Variants in GLP1R observed in about 807,000 individuals in gnomAD.
The protein encoded by GLP1R is glucagon like peptide 1 receptor, also known as glucagon-like peptide 1 receptor.
In GLP1R, 32 loss-of-function variants were observed where a neutral mutation model predicts 68.4. The ratio of observed to expected loss-of-function variants is 0.47; its 90% CI spans 0.35 to 0.63. The LOEUF is 0.63. Among genes scored for constraint, GLP1R ranks in the 20% least tolerant of loss-of-function variants. The pLI, the probability that GLP1R is intolerant of heterozygous loss-of-function variation, is 0.00. For synonymous variants in GLP1R, 263 were observed against 244.4 expected, an observed-to-expected ratio of 1.08 and a Z score of -0.71; for missense variants, 502 against 594.9, an observed-to-expected ratio of 0.84 and a Z score of 1.62.
chr6:39,073,557 GA>G, intron 6 of GLP1R, 52 bp from the exon 7 acceptor site: 1 of 1,525,392 alleles, frequency 6.6e-7, no homozygotes, highest in Non-Finnish European at 9.0e-7. Context: ...GTGGTATCAA[GA>G]GAGGCAGAGG....
Position 39,079,806 on chromosome 6 carries a change from T to C in GLP1R, c.1182+104T>C. Reference sequence around the variant, plus strand: ...TGGAAAAGGTGGGAAGACTGGGACCTGGAGGGGTGATCCCTGCCCAAAGTC... The same window carrying C: ...TGGAAAAGGTGGGAAGACTGGGACCCGGAGGGGTGATCCCTGCCCAAAGTC... On this transcript the variant is annotated intron_variant, in intron 11 of 12. Transcript: ENST00000373256. The surrounding 1 kb of genome is among the most constrained non-coding windows in gnomAD (Gnocchi z 4.5). The C allele has an allele frequency of 9.3e-7, 1 of 1,076,420 alleles. No individual in the cohort carries two copies. Among genetic ancestry groups the C allele is most frequent in the Non-Finnish European group, 1.4e-6 (1 of 726,564 alleles). 66.7% of individuals were successfully genotyped at this position (1,076,420 alleles called of 1,614,324 possible).
In GLP1R at chr6:39,073,681, G is replaced by T; in HGVS notation, c.735G>T (p.Leu245Phe). 6.2e-7 allele frequency: 1 copy of T among 1,613,770 alleles called. No homozygotes were observed. Among genetic ancestry groups the T allele is most frequent in the Non-Finnish European group, 8.5e-7 (1 of 1,179,720 alleles). ...YCVAANYYWL[L>F]VEGVYLYTLL... Reference sequence around the variant, plus strand: ...TGGCGGCCAATTACTACTGGCTCTTGGTGGAGGGCGTGTACCTGTACACAC... The same window carrying T: ...TGGCGGCCAATTACTACTGGCTCTTTGTGGAGGGCGTGTACCTGTACACAC... Residue 245 changes from leucine to phenylalanine, a missense_variant, in exon 7 of 13, where the codon TTG becomes TTT. By Grantham distance (22) the Leu-to-Phe change is conservative (BLOSUM62 0). Coordinates refer to ENST00000373256, the MANE Select transcript of GLP1R (RefSeq NM_002062.5).
At chr6:39,085,849 T>G in intron 12 of GLP1R, 57 bp from the exon 13 acceptor site, 2 of 1,536,584 alleles carry the variant, frequency 1.3e-6, no homozygotes, top group Non-Finnish European at 1.8e-6. Flanking sequence ...AGTGGGGCCA[T>G]TTTGTTAGCC....
At chr6:39,066,043 C>T (rs933166176) in intron 4 of GLP1R, among the ~76,000 whole-genome samples, 154 bp from the exon 5 acceptor site, 2 of 152,176 alleles carry the variant, frequency 1.3e-5, no homozygotes, top group Admixed American at 6.5e-5. Context: ...CAAGAACCAT[C>T]GCCGTAGGTT....
intron 12 of GLP1R, 105 bp downstream of exon 12, chr6:39,080,844 C>A: frequency 1.5e-6 from 1 of 666,282 alleles, no homozygotes; most frequent in Non-Finnish European, 2.6e-6. Flanking sequence ...CTGAAACCCC[C>A]TACTCACCTC....
intron 1 of GLP1R, among the ~76,000 whole-genome samples, chr6:39,054,240 G>T (rs976565102): frequency 2.0e-5 from 3 of 152,054 alleles, no homozygotes; most frequent in Admixed American, 6.5e-5. Context: ...TATACTCCCT[G>T]CATTCCCCTC....
At chr6:39,062,077 C>G (rs1176726488) in intron 3 of GLP1R, among the ~76,000 whole-genome samples, 1 of 152,326 alleles carries the variant, frequency 6.6e-6, no homozygotes, top group South Asian at 2.1e-4. Context: ...TCATGAGCAG[C>G]TCTCCACAGC....
rs1051222425 is a variant in GLP1R, at chr6:39,088,295, C to T, written c.*2222C>T. The stretch of plus-strand genomic sequence containing the variant: ...TTCTTTGCTCCAACCCCCGCTCCCC[C>T]GGCCCCCCGAAGCTATTAATAGTCA... On this transcript the variant is annotated 3_prime_UTR_variant, in exon 13 of 13. Transcript: ENST00000373256. Among the ~76,000 whole-genome samples the T allele has an allele frequency of 5.9e-5, 9 of 151,984 alleles. No individual in the cohort carries two copies. Among genetic ancestry groups the T allele is most frequent in the African/African-American group, 1.5e-4 (6 of 41,342 alleles).
chr6:39,080,741 TA>T lies in GLP1R; in HGVS notation c.1224+4del. On this transcript the variant is annotated splice_donor_region_variant and intron_variant, in intron 12 of 12. Transcript: ENST00000373256. ...TTATACTGCTTTGTCAACAATGAGG[TA>T]AGCTCTGAGGAGGGACGGTGGGGAC... The T allele has an allele frequency of 6.3e-7, 1 of 1,589,238 alleles. No individual in the cohort carries two copies. The highest frequency in any genetic ancestry group is 8.6e-7 in the Non-Finnish European group (1 of 1,164,850).
chr6:39,058,062 G>A (rs1403625723), intron 3 of GLP1R, among the ~76,000 whole-genome samples: 1 of 152,194 alleles, frequency 6.6e-6, no homozygotes, highest in Admixed American at 6.5e-5. Context: ...TTTCATGATG[G>A]CCTGAGGTAC....
intron 5 of GLP1R, among the ~76,000 whole-genome samples, chr6:39,069,256 A>G (rs1768594359): frequency 6.6e-6 from 1 of 152,186 alleles, no homozygotes; most frequent in Admixed American, 6.5e-5. Context: ...CCTCATTTCT[A>G]TCTCAGACCT....
chr6:39,057,377 C>A, intron 2 of GLP1R, 95 bp from the exon 3 acceptor site: 1 of 767,460 alleles, frequency 1.3e-6, no homozygotes, highest in Non-Finnish European at 2.3e-6. Flanking sequence ...TAGTGGCATG[C>A]AGCCTCCGAG....
chr6:39,062,677 C>T (rs1768381302), intron 3 of GLP1R, among the ~76,000 whole-genome samples: 1 of 152,216 alleles, frequency 6.6e-6, no homozygotes, highest in South Asian at 2.1e-4. Flanking sequence ...AGGAGAATGG[C>T]ACATGCCACA....
At position 39,086,035 on chromosome 6, in the gene GLP1R, A is replaced by T. The variant is rs1769136760; in HGVS notation, c.1354A>T (p.Ser452Cys). 1.9e-6 allele frequency: 3 copies of T among 1,613,942 alleles called. No individual in the cohort carries two copies. The Admixed American group carries it at 5.0e-5, about 27-fold the overall frequency. Residue 452 changes from serine to cysteine, a missense_variant, in exon 13 of 13, where the codon AGC becomes TGC. Transcript: ENST00000373256. The surrounding 1 kb of genome is among the most constrained non-coding windows in gnomAD (Gnocchi z 4.5). ...SLSSGATAGSSMYTATCQASC... is the reference protein window; with the variant it reads ...SLSSGATAGSCMYTATCQASC... ...GAGCAGTGGAGCCACGGCGGGCAGC[A>T]GCATGTACACAGCCACTTGCCAGGC... is the stretch of plus-strand genomic sequence containing the variant.
chr6:39,069,502 G>C (rs558268627), intron 5 of GLP1R, among the ~76,000 whole-genome samples: 1 of 152,002 alleles, frequency 6.6e-6, no homozygotes, highest in Non-Finnish European at 1.5e-5. Flanking sequence ...GTGCGGTGGC[G>C]GGCGCCTGTA....
intron 1 of GLP1R, among the ~76,000 whole-genome samples, chr6:39,051,881 CTG>C (rs3831828): frequency 1.5e-5 from 2 of 131,904 alleles, no homozygotes; most frequent in African/African-American, 3.3e-5. Context: ...GTGGGAGGGT[CTG>C]TGTGTGTGTG....
In GLP1R at chr6:39,079,067, G is replaced by T. The variant is rs1486674228; in HGVS notation, c.954+41G>T. The T allele has an allele frequency of 6.2e-7, 1 of 1,608,506 alleles. No homozygotes were observed. The highest frequency in any genetic ancestry group is 2.2e-5 in the East Asian group (1 of 44,858). Reference sequence around the variant, plus strand: ...AGGGATGGGAGTGGCAGCTATGATAGGGCTGGGCTGGTGCCCCCTGCCAAT... The same window carrying T: ...AGGGATGGGAGTGGCAGCTATGATATGGCTGGGCTGGTGCCCCCTGCCAAT... On this transcript the variant is annotated intron_variant, in intron 9 of 12. Transcript: ENST00000373256. The surrounding 1 kb of genome is among the most constrained non-coding windows in gnomAD (Gnocchi z 4.5).
intron 5 of GLP1R, among the ~76,000 whole-genome samples, chr6:39,069,525 C>T (rs560771954): frequency 2.6e-5 from 4 of 151,530 alleles, no homozygotes; most frequent in South Asian, 4.2e-4. Flanking sequence ...CCCAGCTACT[C>T]GGGAGGCTGA....
In GLP1R at chr6:39,086,887, T is replaced by TG. The variant is rs1769164313; in HGVS notation, c.*818dup. 6.6e-6 allele frequency: 1 copy of TG among 152,612 alleles called. No individual in the cohort carries two copies. Among genetic ancestry groups the TG allele is most frequent in the Non-Finnish European group, 1.5e-5 (1 of 68,048 alleles). 9.5% of individuals were successfully genotyped at this position (152,612 alleles called of 1,614,324 possible). ...ATTTTAAAGACGCTCAAGAATCCTC[T>TG]GGGGTTCATCTAGGGACACGTTAGG... On this transcript the variant is annotated 3_prime_UTR_variant, in exon 13 of 13. Coordinates refer to ENST00000373256, the MANE Select transcript of GLP1R (RefSeq NM_002062.5). The surrounding 1 kb of genome is among the most constrained non-coding windows in gnomAD (Gnocchi z 4.5).
Sources: allele counts gnomAD v4.1 joint callset (sites outside exome capture counted in the v4.1 genomes callset), GRCh38; gene constraint gnomAD v4.1.1; non-coding constraint Gnocchi (gnomAD v3.1); transcripts MANE v1.5; gene names NCBI Gene and HGNC (gene_info 2026-07-23, HGNC 2026-07-21).